Variants in ELOVL6 observed in about 807,000 individuals in gnomAD.
ELOVL6 encodes very long chain fatty acid elongase 6.
A neutral mutation model predicts 31.7 loss-of-function variants in ELOVL6; 8 were observed. That is an observed-to-expected ratio of 0.25 (90% confidence interval 0.15 to 0.45). ELOVL6 has a LOEUF of 0.45. ELOVL6 is among the 20% of genes least tolerant of loss of function. The pLI, the probability that ELOVL6 is intolerant of heterozygous loss-of-function variation, is 1.00. For synonymous variants in ELOVL6, 101 were observed against 117.7 expected (o/e 0.86, Z 0.92); for missense variants, 126 against 326.4 (o/e 0.39, Z 4.73).
At chr4:110,162,480 G>C (rs1281017506) in intron 1 of ELOVL6, among the ~76,000 whole-genome samples, 3 of 152,156 alleles carry the variant, frequency 2.0e-5, no homozygotes, top group African/African-American at 7.2e-5. Flanking sequence ...CTGAGTTGTT[G>C]AGACTACAGG....
chr4:110,143,478 C>A (rs1257401717), intron 1 of ELOVL6, among the ~76,000 whole-genome samples: 2 of 151,894 alleles, frequency 1.3e-5, no homozygotes, highest in African/African-American at 4.8e-5. Context: ...ATAGAATAAC[C>A]CATCCTAAGA....
Position 110,047,338 on chromosome 4 carries a change from C to CAAAAAAAAAAAAAAAAACA in ELOVL6, c.*3999_*4000insTGTTTTTTTTTTTTTTTTT, listed in dbSNP as rs367766977. The CAAAAAAAAAAAAAAAAACA allele has an allele frequency of 7.5e-6, 1 of 133,130 alleles. No individual in the cohort carries two copies. Among genetic ancestry groups the CAAAAAAAAAAAAAAAAACA allele is most frequent in the Non-Finnish European group, 1.6e-5 (1 of 60,940 alleles). The allele number at this position is 133,130 out of a possible 1,614,324, so 8.2% of individuals were successfully genotyped here. On this transcript the variant is annotated 3_prime_UTR_variant, in exon 4 of 4. Coordinates refer to ENST00000302274, the MANE Select transcript of ELOVL6 (RefSeq NM_024090.3). ...TCTGTTAAAGAATCATTAAGGAAAC[C>CAAAAAAAAAAAAAAAAACA]AAAAAAAAAAAAAAGCCCTCAGAAT...
intron 1 of ELOVL6, among the ~76,000 whole-genome samples, chr4:110,167,494 T>G (rs570983292): frequency 3.3e-5 from 5 of 152,260 alleles, no homozygotes; most frequent in African/African-American, 1.2e-4. Flanking sequence ...AAGGATGTTT[T>G]TTTGGTTGCA....
At chr4:110,057,853 GGAAAAAAA>G (rs1479177425) in intron 3 of ELOVL6, among the ~76,000 whole-genome samples, 1 of 90,924 alleles carries the variant, frequency 1.1e-5, no homozygotes, top group Non-Finnish European at 1.9e-5. Flanking sequence ...TCTGTCTCAG[GGAAAAAAA>G]AAAAAAAAAA....
At chr4:110,087,935 C>T (rs886807461) in intron 2 of ELOVL6, among the ~76,000 whole-genome samples, 2 of 152,032 alleles carry the variant, frequency 1.3e-5, no homozygotes, top group African/African-American at 2.4e-5. Context: ...GTCAATTTGG[C>T]TCTGTCTTTT....
At chr4:110,074,250 T>A (rs1755569151) in intron 2 of ELOVL6, among the ~76,000 whole-genome samples, 1 of 152,242 alleles carries the variant, frequency 6.6e-6, no homozygotes, top group Non-Finnish European at 1.5e-5. Context: ...ATCTCCAGGA[T>A]TACTTATAAT....
At chr4:110,180,136 C>T (rs1759228546) in intron 1 of ELOVL6, among the ~76,000 whole-genome samples, 1 of 152,110 alleles carries the variant, frequency 6.6e-6, no homozygotes, top group African/African-American at 2.4e-5. Context: ...TTAGTATATG[C>T]CACATAGTTT....
chr4:110,155,884 C>G (rs1334096677), intron 1 of ELOVL6, among the ~76,000 whole-genome samples: 4 of 152,122 alleles, frequency 2.6e-5, no homozygotes, highest in Non-Finnish European at 5.9e-5. Context: ...CAGACAATTA[C>G]AACACGGGAA....
At chr4:110,105,732 G>A in intron 1 of ELOVL6, 104 bp from the exon 2 acceptor site, 1 of 1,044,572 alleles carries the variant, frequency 9.6e-7, no homozygotes, top group Non-Finnish European at 1.4e-6. Flanking sequence ...ATATTCTTGA[G>A]AATATTCCTG....
At chr4:110,169,380 A>G (rs1758876969) in intron 1 of ELOVL6, among the ~76,000 whole-genome samples, 1 of 151,910 alleles carries the variant, frequency 6.6e-6, no homozygotes, top group Non-Finnish European at 1.5e-5. Flanking sequence ...CTGGGACTAC[A>G]GGTGCCTAAC....
chr4:110,122,118 G>C (rs1007321489), intron 1 of ELOVL6, among the ~76,000 whole-genome samples: 7 of 152,126 alleles, frequency 4.6e-5, no homozygotes, highest in Admixed American at 1.3e-4. Context: ...CTGTCCAAAA[G>C]GACAATGGCC....
At chr4:110,158,657 A>ATATATATATATATATATTTTT in intron 1 of ELOVL6, among the ~76,000 whole-genome samples, 6 of 74,154 alleles carry the variant, frequency 8.1e-5, no homozygotes, top group Non-Finnish European at 1.2e-4. Context: ...ATATATATAT[A>ATATATATATATATATATTTTT]TTTTTTTTTT....
intron 3 of ELOVL6, among the ~76,000 whole-genome samples, chr4:110,056,164 G>GT (rs1315522214): frequency 1.3e-5 from 2 of 150,722 alleles, no homozygotes; most frequent in African/African-American, 4.9e-5. Flanking sequence ...TGGAAGAACT[G>GT]TTTTTTTCTC....
In ELOVL6 at chr4:110,069,693, C is replaced by A. The variant is rs1386422319; in HGVS notation, c.222-9939G>T. On this transcript the variant is annotated intron_variant, in intron 2 of 3. Transcript: ENST00000302274. The stretch of plus-strand genomic sequence containing the variant: ...GAATCTTCTGTCTACAGCTCAGTGC[C>A]TTTTACCTGATAGCTGATCCTGAAA... Among the ~76,000 whole-genome samples, 4 of 152,182 alleles carry A rather than the reference C, an allele frequency of 2.6e-5. No homozygotes were observed. The East Asian group carries it at 5.8e-4, about 22-fold the overall frequency.
chr4:110,118,735 T>C (rs1033220615), intron 1 of ELOVL6, among the ~76,000 whole-genome samples: 7 of 152,326 alleles, frequency 4.6e-5, no homozygotes, highest in African/African-American at 1.7e-4. Flanking sequence ...GTCCGAAAAT[T>C]TGATATCACC....
At chr4:110,065,991 C>T (rs1755288319) in intron 2 of ELOVL6, among the ~76,000 whole-genome samples, 2 of 152,252 alleles carry the variant, frequency 1.3e-5, no homozygotes, top group African/African-American at 2.4e-5. Context: ...AACCAATCTC[C>T]ACCCTACTAA....
chr4:110,090,600 C>CTTTTTTGTTTTTTTTTTTTTTTTTTTT (rs1553956743), intron 2 of ELOVL6, among the ~76,000 whole-genome samples: 2 of 103,714 alleles, frequency 1.9e-5, no homozygotes, highest in Non-Finnish European at 3.6e-5. Flanking sequence ...GTTTGACTTT[C>CTTTTTTGTTTTTTTTTTTTTTTTTTTT]TTTTTTTTTT....
intron 1 of ELOVL6, among the ~76,000 whole-genome samples, chr4:110,130,316 C>A (rs1259830556): frequency 6.6e-5 from 10 of 152,144 alleles, no homozygotes. Context: ...TGGACTAGAA[C>A]TAGCAAGCCA....
At chr4:110,083,994 TAAC>T (rs1560813391) in intron 2 of ELOVL6, among the ~76,000 whole-genome samples, 10 of 113,086 alleles carry the variant, frequency 8.8e-5, no homozygotes, top group Non-Finnish European at 1.9e-4. Flanking sequence ...ATACGATATA[TAAC>T]ATATGCCATA....
Sources: allele counts gnomAD v4.1 joint callset (sites outside exome capture counted in the v4.1 genomes callset), GRCh38; gene constraint gnomAD v4.1.1; transcripts MANE v1.5; gene names NCBI Gene and HGNC (gene_info 2026-07-23, HGNC 2026-07-21).